CAMK2A: variants seen among roughly 807,000 people sequenced by gnomAD.
CAMK2A encodes calcium/calmodulin dependent protein kinase II alpha, also known as calcium/calmodulin-dependent protein kinase type II subunit alpha.
In CAMK2A, 7 loss-of-function variants were observed where a neutral mutation model predicts 79.2. The observed-to-expected ratio is 0.09, with a 90% confidence interval of 0.05 to 0.17. The LOEUF (loss-of-function observed/expected upper bound fraction) is 0.17. Among genes scored for constraint, CAMK2A ranks in the 10% least tolerant of loss-of-function variants. The pLI is 1.00. For synonymous variants in CAMK2A, 242 were observed against 251.7 expected, an observed-to-expected ratio of 0.96 and a Z score of 0.36; for missense variants, 214 against 646.4, an observed-to-expected ratio of 0.33 and a Z score of 7.25.
At chr5:150,225,048 G>GAC (rs1361832688) in intron 17 of CAMK2A, among the ~76,000 whole-genome samples, 10 of 149,716 alleles carry the variant, frequency 6.7e-5, no homozygotes, top group African/African-American at 2.5e-4. Context: ...TAGGGAGAGA[G>GAC]AGAGAGAGAG....
intron 17 of CAMK2A, among the ~76,000 whole-genome samples, chr5:150,224,482 CT>C (rs200781193): frequency 4.6e-5 from 7 of 151,520 alleles, no homozygotes; most frequent in East Asian, 1.9e-4. Flanking sequence ...TGTAAAATGT[CT>C]TTTTTTTTCA....
In CAMK2A at chr5:150,222,491, G is replaced by C. The variant is rs1169268774; in HGVS notation, c.*219C>G. 2.8e-6 allele frequency: 2 copies of C among 705,342 alleles called. No homozygotes were observed. The highest frequency in any genetic ancestry group is 1.7e-5 in the African/African-American group (1 of 57,240). The allele number at this position is 705,342 out of a possible 1,614,324, so 43.7% of individuals were successfully genotyped here. A position where few individuals can be genotyped will look rare whatever the true frequency, so the allele number is the denominator to read the frequency against. Reference sequence around the variant, plus strand: ...GGAAGCCCCAGCCTGGCAGGGGAGAGGGTGGGGGTGAGAGGTGGGGAGATG... The same window carrying C: ...GGAAGCCCCAGCCTGGCAGGGGAGACGGTGGGGGTGAGAGGTGGGGAGATG... On this transcript the variant is annotated 3_prime_UTR_variant, in exon 19 of 19. Transcript: ENST00000671881.
intron 1 of CAMK2A, among the ~76,000 whole-genome samples, chr5:150,274,889 A>G (rs746088902): frequency 5.9e-5 from 9 of 152,218 alleles, no homozygotes; most frequent in Non-Finnish European, 8.8e-5. Context: ...TCAAACTTGG[A>G]TGCCCCATCC....
Position 150,222,706 on chromosome 5 carries a change from T to G in CAMK2A, c.*4A>C, listed in dbSNP as rs1403916472. ...CAGCAACGCAGCGACCCCAGCCTGG[T>G]CCCTCAGCTGTAAGACACACACGGG... On this transcript the variant is annotated 3_prime_UTR_variant, in exon 19 of 19. Transcript: ENST00000671881. The G allele has an allele frequency of 1.2e-6, 2 of 1,614,000 alleles. No homozygotes were observed. Among genetic ancestry groups the G allele is most frequent in the East Asian group, 2.2e-5 (1 of 44,880 alleles).
In CAMK2A at chr5:150,219,560, T is replaced by TCC. The variant is rs1491561002; in HGVS notation, c.*3148_*3149dup. 9.8e-5 allele frequency: 2 copies of TCC among 20,390 alleles called. No individual in the cohort carries two copies. Among genetic ancestry groups the TCC allele is most frequent in the Admixed American group, 6.6e-4 (1 of 1,506 alleles). 1.3% of individuals were successfully genotyped at this position (20,390 alleles called of 1,614,324 possible). ...ATAAAACAAACGCCCCTTCTTCCCA[T>TCC]CCCACCCGCCCCCCCCAATAGCAGA... is the stretch of plus-strand genomic sequence containing the variant. On this transcript the variant is annotated 3_prime_UTR_variant, in exon 19 of 19. Transcript: ENST00000671881.
At chr5:150,289,889 A>ACCTG, upstream of CAMK2A, 1 of 480,948 alleles carries the variant, frequency 2.1e-6, no homozygotes, top group Non-Finnish European at 3.7e-6. Context: ...CCTCCCCAAC[A>ACCTG]CCTGCCTGCC....
At chr5:150,262,057 T>C (rs1756326332) in intron 3 of CAMK2A, among the ~76,000 whole-genome samples, 1 of 152,028 alleles carries the variant, frequency 6.6e-6, no homozygotes, top group African/African-American at 2.4e-5. Flanking sequence ...CTGCAGGTGG[T>C]GATGGTAGAG....
At chr5:150,287,263 T>C (rs1024792403) in intron 1 of CAMK2A, among the ~76,000 whole-genome samples, 2 of 152,256 alleles carry the variant, frequency 1.3e-5, no homozygotes, top group African/African-American at 4.8e-5. Flanking sequence ...CCGATGTCCC[T>C]GCAAGCTCCT....
intron 1 of CAMK2A, among the ~76,000 whole-genome samples, chr5:150,275,233 C>G (rs1373477273): frequency 6.6e-6 from 1 of 152,248 alleles, no homozygotes; most frequent in South Asian, 2.1e-4. Context: ...CATATGCTAC[C>G]AGGAAGAAAG....
chr5:150,233,839 G>A (rs947801192), intron 15 of CAMK2A, among the ~76,000 whole-genome samples: 12 of 152,060 alleles, frequency 7.9e-5, no homozygotes, highest in African/African-American at 2.7e-4. Context: ...TTGAGATGGG[G>A]TCTCTCTGCA....
chr5:150,242,818 C>T (rs899513495), intron 13 of CAMK2A, among the ~76,000 whole-genome samples: 2 of 152,232 alleles, frequency 1.3e-5, no homozygotes, highest in Admixed American at 1.3e-4. Flanking sequence ...ACATGGCAGG[C>T]CAGGCTCCCC....
At chr5:150,285,668 G>A (rs950365647) in intron 1 of CAMK2A, among the ~76,000 whole-genome samples, 2 of 152,110 alleles carry the variant, frequency 1.3e-5, no homozygotes, top group Non-Finnish European at 2.9e-5. Context: ...TGCAGCCTTG[G>A]CAACCCCTTC....
intron 17 of CAMK2A, among the ~76,000 whole-genome samples, chr5:150,226,017 A>T (rs970856370): frequency 4.6e-5 from 7 of 152,188 alleles, no homozygotes; most frequent in Non-Finnish European, 8.8e-5. Context: ...AAGTCCTGGG[A>T]TTACAGGCGT....
chr5:150,231,404 A>AAATAATAATAAT (rs35699794), intron 15 of CAMK2A, 24 bp from the exon 16 acceptor site: 3 of 493,326 alleles, frequency 6.1e-6, no homozygotes, highest in African/African-American at 2.1e-5. Flanking sequence ...GGGGACACAG[A>AAATAATAATAAT]AATAATAATA....
intron 17 of CAMK2A, among the ~76,000 whole-genome samples, chr5:150,227,537 C>G (rs912058929): frequency 1.3e-5 from 2 of 152,146 alleles, no homozygotes; most frequent in Non-Finnish European, 2.9e-5. Context: ...CCCTATCTGA[C>G]CCCCGGCCTA....
At chr5:150,261,753 C>T (rs3776822) in intron 3 of CAMK2A, among the ~76,000 whole-genome samples, 27,156 of 152,122 alleles carry the variant, frequency 0.18, 2,621 homozygotes, top group East Asian at 0.26. Flanking sequence ...CCAGATCCAC[C>T]TCTTACAAGC....
chr5:150,226,853 G>C (rs1188097361), intron 17 of CAMK2A, among the ~76,000 whole-genome samples: 1 of 149,992 alleles, frequency 6.7e-6, no homozygotes, highest in Non-Finnish European at 1.5e-5. Flanking sequence ...GCCCAGGCTG[G>C]ATTGCAGTGG....
intron 2 of CAMK2A, among the ~76,000 whole-genome samples, chr5:150,267,602 C>G (rs1238314651): frequency 6.6e-6 from 1 of 152,210 alleles, no homozygotes; most frequent in Non-Finnish European, 1.5e-5. Context: ...ATTCATCCTA[C>G]TGAGTGTAAA....
intron 16 of CAMK2A, among the ~76,000 whole-genome samples, chr5:150,230,835 C>T (rs990091103): frequency 6.6e-6 from 1 of 152,240 alleles, no homozygotes; most frequent in African/African-American, 2.4e-5. Context: ...TGCCTGCTCA[C>T]TGAAGGGACG....
Sources: allele counts gnomAD v4.1 joint callset (sites outside exome capture counted in the v4.1 genomes callset), GRCh38; gene constraint gnomAD v4.1.1; transcripts MANE v1.5; gene names NCBI Gene and HGNC (gene_info 2026-07-23, HGNC 2026-07-21).